REEP1: variants seen among roughly 807,000 people sequenced by gnomAD.
REEP1 encodes the protein receptor expression-enhancing protein 1.
In REEP1, 22 loss-of-function variants were observed where a neutral mutation model predicts 40.3. That is an observed-to-expected ratio of 0.55 (90% CI 0.39 to 0.78). REEP1 has a LOEUF of 0.78. Ranked by LOEUF, REEP1 falls within the 30% of genes least tolerant of loss-of-function variation. REEP1 has a pLI of 0.00. For missense variants in REEP1, 280 were observed against 361.1 expected, an observed-to-expected ratio of 0.78 and a Z score of 1.82; for synonymous variants, 116 against 139.2, an observed-to-expected ratio of 0.83 and a Z score of 1.17.
At chr2:86,257,401 C>T (rs1277466025) in intron 3 of REEP1, among the ~76,000 whole-genome samples, 1 of 152,192 alleles carries the variant, frequency 6.6e-6, no homozygotes, top group Admixed American at 6.5e-5. Flanking sequence ...CCGCCTAACC[C>T]CTAGTCCCTT....
intron 5 of REEP1, among the ~76,000 whole-genome samples, chr2:86,246,864 G>A (rs1156455804): frequency 6.6e-6 from 1 of 151,912 alleles, no homozygotes; most frequent in East Asian, 1.9e-4. Flanking sequence ...ACCACGCCCG[G>A]CTAATTTTGT....
At chr2:86,303,015 A>C (rs1409411134) in intron 1 of REEP1, among the ~76,000 whole-genome samples, 1 of 152,122 alleles carries the variant, frequency 6.6e-6, no homozygotes, top group Non-Finnish European at 1.5e-5. Flanking sequence ...GAATGCTCTG[A>C]AGGCTGAAGC....
At chr2:86,244,178 T>C (rs911705743) in intron 5 of REEP1, among the ~76,000 whole-genome samples, 1 of 152,200 alleles carries the variant, frequency 6.6e-6, no homozygotes, top group Admixed American at 6.5e-5. Flanking sequence ...CCCAAATCAC[T>C]GGGCTTATGA....
intron 1 of REEP1, among the ~76,000 whole-genome samples, chr2:86,319,159 C>G (rs1254852023): frequency 6.6e-6 from 1 of 152,114 alleles, no homozygotes; most frequent in Non-Finnish European, 1.5e-5. Context: ...CATAAGATAG[C>G]CTGGAGAGTG....
chr2:86,262,900 G>T (rs1185926341), intron 3 of REEP1, among the ~76,000 whole-genome samples: 1 of 152,168 alleles, frequency 6.6e-6, no homozygotes, highest in Non-Finnish European at 1.5e-5. Flanking sequence ...TTTCGCCTAA[G>T]AAGGCACAAT....
At chr2:86,310,073 G>C (rs557050986) in intron 1 of REEP1, among the ~76,000 whole-genome samples, 32 of 152,252 alleles carry the variant, frequency 2.1e-4, no homozygotes, top group African/African-American at 7.5e-4. Context: ...CAGGGAATCA[G>C]GTCAAGAAGT....
chr2:86,245,009 G>T (rs928314690), intron 5 of REEP1, among the ~76,000 whole-genome samples: 4 of 152,154 alleles, frequency 2.6e-5, no homozygotes, highest in Non-Finnish European at 4.4e-5. Flanking sequence ...AGCCAGGCGT[G>T]GGGGCAGGCA....
rs548141046 is a variant in REEP1, at chr2:86,232,815, C to G, written c.418-13G>C. ...AGGCACCCTGTCCCTGGATACAACA[C>G]AGGAGGGGCACACGTCAGAGGTCCT... is the stretch of plus-strand genomic sequence containing the variant. On this transcript the variant is annotated splice_polypyrimidine_tract_variant and intron_variant, in intron 5 of 8. Coordinates refer to ENST00000538924, the MANE Select transcript of REEP1 (RefSeq NM_001371279.1). 6.3e-7 allele frequency: 1 copy of G among 1,598,588 alleles called. No homozygotes were observed.
At chr2:86,252,421 G>C (rs1014174834) in intron 4 of REEP1, among the ~76,000 whole-genome samples, 2 of 152,294 alleles carry the variant, frequency 1.3e-5, no homozygotes, top group East Asian at 1.9e-4. Flanking sequence ...CCAGGGTGGA[G>C]AGAGTGCCCA....
At chr2:86,310,523 C>T (rs1290785788) in intron 1 of REEP1, among the ~76,000 whole-genome samples, 1 of 152,138 alleles carries the variant, frequency 6.6e-6, no homozygotes, top group East Asian at 1.9e-4. Context: ...TGACACAGTT[C>T]TCAGAACATA....
chr2:86,219,373 G>C (rs1674292480), intron 8 of REEP1, among the ~76,000 whole-genome samples: 3 of 151,608 alleles, frequency 2.0e-5, no homozygotes, highest in African/African-American at 7.3e-5. Context: ...TAGAGTGGTA[G>C]TTGTTAATAC....
At chr2:86,224,810 A>C (rs530270806) in intron 7 of REEP1, among the ~76,000 whole-genome samples, 2 of 152,292 alleles carry the variant, frequency 1.3e-5, no homozygotes, top group East Asian at 3.9e-4. Flanking sequence ...AGCTCTATTG[A>C]AATGCACTGG....
chr2:86,218,627 C>T (rs935807974), intron 8 of REEP1, among the ~76,000 whole-genome samples: 1 of 152,154 alleles, frequency 6.6e-6, no homozygotes, highest in Non-Finnish European at 1.5e-5. Flanking sequence ...CAGCACAAAC[C>T]CTTGGGCCTT....
chr2:86,262,424 C>T (rs1221050130), intron 3 of REEP1, among the ~76,000 whole-genome samples: 5 of 152,342 alleles, frequency 3.3e-5, no homozygotes, highest in South Asian at 2.1e-4. Flanking sequence ...GTGCAGGGTG[C>T]GAAGGCACAA....
chr2:86,306,853 A>C (rs1270698709), intron 1 of REEP1, among the ~76,000 whole-genome samples: 1 of 152,108 alleles, frequency 6.6e-6, no homozygotes, highest in Admixed American at 6.6e-5. Flanking sequence ...GCATGTACCA[A>C]AAGTCCTTTG....
intron 4 of REEP1, among the ~76,000 whole-genome samples, chr2:86,253,850 T>C (rs909826619): frequency 6.6e-6 from 1 of 152,230 alleles, no homozygotes; most frequent in African/African-American, 2.4e-5. Context: ...GCTCCTATTT[T>C]AGTTAAGAAA....
intron 1 of REEP1, among the ~76,000 whole-genome samples, chr2:86,302,767 A>G (rs1414815550): frequency 6.6e-6 from 1 of 152,236 alleles, no homozygotes; most frequent in Admixed American, 6.5e-5. Context: ...TTTGTATTCA[A>G]AAAGTCTTAA....
intron 1 of REEP1, among the ~76,000 whole-genome samples, chr2:86,288,226 C>T (rs11127025): frequency 0.87 from 132,654 of 152,110 alleles, 58,280 homozygotes; most frequent in East Asian, 0.96. Flanking sequence ...TTTCACCATG[C>T]TGGCCAAGCT....
chr2:86,219,253 A>G (rs1159246123), intron 8 of REEP1, among the ~76,000 whole-genome samples: 2 of 152,220 alleles, frequency 1.3e-5, no homozygotes, highest in South Asian at 4.1e-4. Flanking sequence ...TTGGAGATAC[A>G]GCGATGAACA....
Sources: allele counts gnomAD v4.1 joint callset (sites outside exome capture counted in the v4.1 genomes callset), GRCh38; gene constraint gnomAD v4.1.1; transcripts MANE v1.5; gene names NCBI Gene and HGNC (gene_info 2026-07-23, HGNC 2026-07-21).